NR2C2: variants seen among roughly 807,000 people sequenced by gnomAD.
NR2C2 encodes Nuclear hormone receptor TR4.
In NR2C2, 6 loss-of-function variants were observed where a neutral mutation model predicts 62.9. That is an observed-to-expected ratio of 0.10 (90% CI 0.05 to 0.19). The LOEUF is 0.19. Among genes scored for constraint, NR2C2 ranks in the 10% least tolerant of loss-of-function variants. NR2C2 has a pLI of 1.00. For missense variants in NR2C2, 479 were observed against 762.7 expected (o/e 0.63, Z 4.38); for synonymous variants, 272 against 273.8 (o/e 0.99, Z 0.07).
intron 10 of NR2C2, among the ~76,000 whole-genome samples, chr3:15,033,639 CTTT>C (rs58524753): frequency 4.7e-5 from 4 of 84,824 alleles, no homozygotes; most frequent in Admixed American, 1.6e-4. Flanking sequence ...TAACCTCAGG[CTTT>C]TTTTTTTTTT....
intron 7 of NR2C2, among the ~76,000 whole-genome samples, chr3:15,028,161 C>G (rs758852100): frequency 6.6e-6 from 1 of 152,162 alleles, no homozygotes; most frequent in African/African-American, 2.4e-5. Context: ...CATCCAGCCT[C>G]TTTTTCCATT....
intron 2 of NR2C2, among the ~76,000 whole-genome samples, chr3:15,012,407 G>T (rs2041381365): frequency 6.6e-6 from 1 of 152,080 alleles, no homozygotes; most frequent in Non-Finnish European, 1.5e-5. Context: ...TGTATTTTTA[G>T]TAGAGACAGG....
chr3:15,037,171 G>C (rs915425653), intron 11 of NR2C2, among the ~76,000 whole-genome samples: 2 of 151,414 alleles, frequency 1.3e-5, no homozygotes, highest in African/African-American at 4.9e-5. Flanking sequence ...TCACAAATGA[G>C]CTTTAGTTTT....
At chr3:15,027,821 C>T (rs1208157429) in intron 7 of NR2C2, among the ~76,000 whole-genome samples, 1 of 151,840 alleles carries the variant, frequency 6.6e-6, no homozygotes, top group Non-Finnish European at 1.5e-5. Flanking sequence ...TTGTCTCAAA[C>T]TCTTGGGCTC....
intron 1 of NR2C2, among the ~76,000 whole-genome samples, chr3:14,994,418 CGTT>C (rs964849799): frequency 3.6e-5 from 5 of 139,736 alleles, no homozygotes; most frequent in Non-Finnish European, 6.3e-5. Flanking sequence ...GGGTTGAATT[CGTT>C]GTTGTTGTTT....
Position 15,038,100 on chromosome 3 carries a change from G to A in NR2C2, c.1473G>A (p.Glu491=). Residue 491 remains glutamate, a synonymous_variant, in exon 12 of 14, where the codon GAG becomes GAA. Coordinates refer to ENST00000425241, the MANE Select transcript of NR2C2 (RefSeq NM_001291694.2). Reference sequence around the variant, plus strand: ...CGAAGCTGGATATAGATGGCTATGAGTATGCATACCTTAAAGCTATAGTTC... The same window carrying A: ...CGAAGCTGGATATAGATGGCTATGAATATGCATACCTTAAAGCTATAGTTC... ...SMAKLDIDGY[E]YAYLKAIVLF... is the part of the protein sequence containing the mutation. The A allele has an allele frequency of 1.2e-6, 2 of 1,614,092 alleles. 1 individual carries two copies. Among genetic ancestry groups the A allele is most frequent in the South Asian group, 2.2e-5 (2 of 91,066 alleles).
chr3:14,952,353 C>G (rs1378372837), intron 1 of NR2C2, among the ~76,000 whole-genome samples: 2 of 152,224 alleles, frequency 1.3e-5, no homozygotes, highest in Non-Finnish European at 2.9e-5. Context: ...AGTGTCTCCA[C>G]ATATCGAGGG....
chr3:15,027,589 G>A (rs2041859747), intron 7 of NR2C2, among the ~76,000 whole-genome samples: 2 of 152,026 alleles, frequency 1.3e-5, no homozygotes, highest in South Asian at 4.2e-4. Flanking sequence ...TATTATCTTT[G>A]GGGTTTTGTT....
intron 1 of NR2C2, among the ~76,000 whole-genome samples, chr3:14,958,893 T>C (rs954506219): frequency 6.6e-6 from 1 of 152,246 alleles, no homozygotes; most frequent in African/African-American, 2.4e-5. Context: ...GGAGAATCGC[T>C]TGAACCAGGG....
intron 1 of NR2C2, among the ~76,000 whole-genome samples, chr3:14,977,030 G>A (rs1251412100): frequency 1.3e-5 from 2 of 152,126 alleles, no homozygotes; most frequent in African/African-American, 4.8e-5. Flanking sequence ...CCTGTTCTGG[G>A]AAATTGTTTT....
chr3:14,964,503 C>T (rs868848473), intron 1 of NR2C2, among the ~76,000 whole-genome samples: 3 of 151,484 alleles, frequency 2.0e-5, no homozygotes, highest in African/African-American at 7.3e-5. Context: ...TTTTTATTTT[C>T]TATTTTATAT....
rs1304702587 is a variant in NR2C2, at chr3:14,992,573, T to G, written c.-39-11303T>G. 6.6e-5 allele frequency among the ~76,000 whole-genome samples: 10 copies of G among 152,306 alleles called. No individual in the cohort carries two copies. The South Asian group carries it at 2.1e-3, about 32-fold the overall frequency. ...AAACAGAGAAATAGGAAATGTGGTG[T>G]TCTGTGGAGAGTACTAAGGTGCAGG... On this transcript the variant is annotated intron_variant, in intron 1 of 13. Transcript: ENST00000425241.
rs2041949718 is a variant in NR2C2 at position 15,030,416 on chromosome 3, A to G, written c.1074A>G (p.Glu358=). Residue 358 remains glutamate (E), a synonymous_variant, in exon 9 of 14, where the codon GAA becomes GAG. Coordinates refer to ENST00000425241, the MANE Select transcript of NR2C2 (RefSeq NM_001291694.2). ...AGTCGACACCCATCATTGAGGTTGAAGGCCCCCTCCTTTCAGACACACACG... is the reference window on the plus strand; with the variant it reads ...AGTCGACACCCATCATTGAGGTTGAGGGCCCCCTCCTTTCAGACACACACG... ...RDQSTPIIEV[E]GPLLSDTHVT... 6.2e-7 allele frequency: 1 copy of G among 1,605,848 alleles called. No individual in the cohort carries two copies. Among genetic ancestry groups the G allele is most frequent in the Admixed American group, 1.7e-5 (1 of 57,484 alleles).
chr3:14,969,367 C>T (rs923843799), intron 1 of NR2C2, among the ~76,000 whole-genome samples: 7 of 151,626 alleles, frequency 4.6e-5, no homozygotes, highest in African/African-American at 1.2e-4. Flanking sequence ...CTTAGCCTCC[C>T]GAGTAGCTGG....
chr3:15,004,568 T>C, intron 2 of NR2C2: 1 of 1,612,570 alleles, frequency 6.2e-7, no homozygotes. Context: ...GCTCTGAACC[T>C]GCCTCTGGCC....
intron 1 of NR2C2, among the ~76,000 whole-genome samples, chr3:14,971,306 T>C (rs2040031628): frequency 1.3e-5 from 2 of 151,372 alleles, no homozygotes; most frequent in Admixed American, 1.3e-4. Flanking sequence ...TTAGTAGAGA[T>C]GGGGTTTCAC....
chr3:15,035,762 C>T (rs2042087008), intron 11 of NR2C2, among the ~76,000 whole-genome samples: 1 of 152,264 alleles, frequency 6.6e-6, no homozygotes. Flanking sequence ...TGCAGTGGCT[C>T]ACGCCTATAA....
At chr3:15,039,257 T>C in intron 13 of NR2C2, 30 bp downstream of exon 13, 1 of 1,463,670 alleles carries the variant, frequency 6.8e-7, no homozygotes, top group Non-Finnish European at 9.6e-7. Context: ...GCGCTCTTGC[T>C]TGGGGCTGCA....
chr3:14,958,589 A>G (rs749826483), intron 1 of NR2C2, among the ~76,000 whole-genome samples: 8 of 152,198 alleles, frequency 5.3e-5, no homozygotes, highest in Non-Finnish European at 8.8e-5. Flanking sequence ...TATTAGTGTT[A>G]TGCTTGGCTC....
Sources: gnomAD v4.1 joint callset for allele counts (sites outside exome capture counted in the v4.1 genomes callset) on GRCh38, gnomAD v4.1.1 for gene constraint, MANE v1.5 for transcripts, NCBI Gene and HGNC (gene_info 2026-07-23, HGNC 2026-07-21) for gene names.